ZNF236: variants seen among roughly 807,000 people sequenced by gnomAD.
ZNF236 encodes the protein regulated by glucose.
Under a neutral mutation model 191.2 loss-of-function variants are expected in ZNF236, and 50 were observed. The ratio of observed to expected loss-of-function variants is 0.26; its 90% CI spans 0.21 to 0.33. The LOEUF (loss-of-function observed/expected upper bound fraction) is 0.33, where lower values mean the gene tolerates loss of function less well. Ranked by LOEUF, ZNF236 falls within the 10% of genes least tolerant of loss-of-function variation. The pLI, the probability that ZNF236 is intolerant of heterozygous loss-of-function variation, is 1.00. For synonymous variants in ZNF236, 907 were observed against 928.8 expected, an observed-to-expected ratio of 0.98 and a Z score of 0.43; for missense variants, 1,754 against 2,374.5, an observed-to-expected ratio of 0.74 and a Z score of 5.43.
Position 76,923,364 on chromosome 18 carries a change from G to GA in ZNF236, c.3661+198dup, listed in dbSNP as rs781143947. On this transcript the variant is annotated intron_variant, in intron 21 of 30. Coordinates refer to ENST00000320610, the MANE Select transcript of ZNF236 (RefSeq NM_001306089.2). ...GGGAAAACTGTCCAAATGACACTAA[G>GA]AAAAAAAAGGATTAGGTCTCAAAAG... Among the ~76,000 whole-genome samples the GA allele has an allele frequency of 2.7e-3, 412 of 151,526 alleles. 3 individuals are homozygous for GA. Among genetic ancestry groups the GA allele is most frequent in the Non-Finnish European group, 4.0e-3 (274 of 67,804 alleles).
At chr18:76,884,400 C>CA (rs58881647) in intron 9 of ZNF236, among the ~76,000 whole-genome samples, 4,153 of 92,686 alleles carry the variant, frequency 0.045, 177 homozygotes, top group African/African-American at 0.11. Context: ...GACTCCATCT[C>CA]AAAAAAAAAA....
intron 1 of ZNF236, among the ~76,000 whole-genome samples, chr18:76,848,414 C>G (rs1975763639): frequency 6.6e-6 from 1 of 152,184 alleles, no homozygotes; most frequent in Admixed American, 6.5e-5. Context: ...CAAATTATAA[C>G]ACTTGAAGTA....
intron 13 of ZNF236, among the ~76,000 whole-genome samples, chr18:76,905,987 G>A (rs1977729890): frequency 6.6e-6 from 1 of 152,164 alleles, no homozygotes; most frequent in Non-Finnish European, 1.5e-5. Context: ...GTATTTCTGT[G>A]AAGCCACAGA....
intron 26 of ZNF236, among the ~76,000 whole-genome samples, chr18:76,945,244 A>G (rs75999454): frequency 0.016 from 2,413 of 152,320 alleles, 30 homozygotes; most frequent in Middle Eastern, 0.02. Context: ...TATTGAGCCA[A>G]TTGGTTCTTA....
chr18:76,883,452 C>G (rs1392265727), intron 9 of ZNF236, among the ~76,000 whole-genome samples: 1 of 137,984 alleles, frequency 7.2e-6, no homozygotes, highest in Admixed American at 7.9e-5. Flanking sequence ...GAGACTGGGT[C>G]TTGCTGTGTT....
At chr18:76,913,676 C>T in intron 17 of ZNF236, 71 bp from the exon 18 acceptor site, 1 of 1,537,078 alleles carries the variant, frequency 6.5e-7, no homozygotes, top group Non-Finnish European at 8.9e-7. Flanking sequence ...CTTTTCTTCC[C>T]TTTTCAGGTG....
At chr18:76,847,425 A>G (rs763717224) in intron 1 of ZNF236, among the ~76,000 whole-genome samples, 42 of 152,076 alleles carry the variant, frequency 2.8e-4, no homozygotes, top group Non-Finnish European at 4.9e-4. Context: ...TTGTATATCA[A>G]TTGCTAGGGT....
At chr18:76,923,219 C>A in intron 21 of ZNF236, 45 bp downstream of exon 21, 2 of 1,304,424 alleles carry the variant, frequency 1.5e-6, no homozygotes, top group Non-Finnish European at 2.2e-6. Context: ...CTTAGGATAG[C>A]ATTTCGTATG....
At chr18:76,832,213 C>T (rs1208970456) in intron 1 of ZNF236, among the ~76,000 whole-genome samples, 1 of 152,012 alleles carries the variant, frequency 6.6e-6, no homozygotes, top group Non-Finnish European at 1.5e-5. Context: ...CTGAGTAGCT[C>T]AGATTACAGG....
At chr18:76,950,618 C>T (rs1315329706) in intron 27 of ZNF236, among the ~76,000 whole-genome samples, 2 of 152,216 alleles carry the variant, frequency 1.3e-5, no homozygotes, top group Non-Finnish European at 2.9e-5. Flanking sequence ...GTAGTTACTT[C>T]TTCTGCTGAA....
At chr18:76,846,300 G>A (rs941617206) in intron 1 of ZNF236, among the ~76,000 whole-genome samples, 2 of 152,166 alleles carry the variant, frequency 1.3e-5, no homozygotes, top group Non-Finnish European at 2.9e-5. Context: ...GATACTCTGG[G>A]GACCAGAAAT....
chr18:76,824,910 G>GCTC (rs1974974036), intron 1 of ZNF236, among the ~76,000 whole-genome samples: 1 of 152,164 alleles, frequency 6.6e-6, no homozygotes, highest in South Asian at 2.1e-4. Context: ...CTAGTCCTGG[G>GCTC]CTCCTGTAAA....
At chr18:76,855,273 A>G (rs1428393737) in intron 3 of ZNF236, among the ~76,000 whole-genome samples, 1 of 152,216 alleles carries the variant, frequency 6.6e-6, no homozygotes, top group Non-Finnish European at 1.5e-5. Flanking sequence ...GTGTATTAAT[A>G]TATTTTGGAA....
At position 76,875,122 on chromosome 18, in the gene ZNF236, C is replaced by T. The variant is rs1416816078; in HGVS notation, c.668-370C>T. Among the ~76,000 whole-genome samples the T allele has an allele frequency of 2.0e-5, 3 of 152,014 alleles. No homozygotes were observed. The highest frequency in any genetic ancestry group is 2.1e-4 in the South Asian group (1 of 4,806). ...CTTACCCTGGGGTGGTGGTTGTGGA[C>T]GGGAAGCAGGGCTGCTCTGGGTGTA... On this transcript the variant is annotated intron_variant, in intron 5 of 30. Coordinates refer to ENST00000320610, the MANE Select transcript of ZNF236 (RefSeq NM_001306089.2). The surrounding 1 kb of genome is among the most constrained non-coding windows in gnomAD (Gnocchi z 4.3).
intron 11 of ZNF236, 142 bp from the exon 12 acceptor site, chr18:76,904,238 C>A: frequency 1.7e-6 from 1 of 605,492 alleles, no homozygotes; most frequent in Non-Finnish European, 2.4e-6. Context: ...CAGTTCCTAA[C>A]ACAATTAAAA....
At chr18:76,942,378 G>C (rs1273034051) in intron 26 of ZNF236, among the ~76,000 whole-genome samples, 1 of 152,130 alleles carries the variant, frequency 6.6e-6, no homozygotes, top group Non-Finnish European at 1.5e-5. Flanking sequence ...AGATAGGAAA[G>C]TCATGTAAAC....
chr18:76,824,152 A>G (rs1229694508), intron 1 of ZNF236: 2 of 595,356 alleles, frequency 3.4e-6, no homozygotes, highest in East Asian at 5.6e-5. Flanking sequence ...GCCCCAGAGA[A>G]AGGTCGGGCC....
At chr18:76,922,693 A>G (rs1253370221) in intron 20 of ZNF236, among the ~76,000 whole-genome samples, 1 of 151,766 alleles carries the variant, frequency 6.6e-6, no homozygotes, top group African/African-American at 2.4e-5. Context: ...AGTAGCTGGG[A>G]TTACAGGCGC....
At chr18:76,908,631 C>G in intron 14 of ZNF236, 58 bp downstream of exon 14, 1 of 1,549,446 alleles carries the variant, frequency 6.5e-7, no homozygotes, top group Non-Finnish European at 8.7e-7. Context: ...GCAGCCTTTC[C>G]CACTCATTGC....
Sources: allele counts gnomAD v4.1 joint callset (sites outside exome capture counted in the v4.1 genomes callset), GRCh38; gene constraint gnomAD v4.1.1; non-coding constraint Gnocchi (gnomAD v3.1); transcripts MANE v1.5; gene names NCBI Gene and HGNC (gene_info 2026-07-23, HGNC 2026-07-21).